The following NBEA variants were observed in gnomAD, a reference collection of about 807,000 sequenced individuals.
NBEA encodes neurobeachin.
NBEA carries 44 observed loss-of-function variants against 343.4 expected under a neutral mutation model. The observed-to-expected ratio is 0.13, with a 90% CI of 0.10 to 0.16. NBEA has a LOEUF of 0.16. Ranked by LOEUF, NBEA falls within the 10% of genes least tolerant of loss-of-function variation. The pLI is 1.00. For synonymous variants in NBEA, 1,175 were observed against 1,238.7 expected, an observed-to-expected ratio of 0.95 and a Z score of 1.08; for missense variants, 2,555 against 3,631.3, an observed-to-expected ratio of 0.70 and a Z score of 7.62.
intron 34 of NBEA, among the ~76,000 whole-genome samples, chr13:35,283,187 G>A (rs930401694): frequency 6.6e-6 from 1 of 152,012 alleles, no homozygotes; most frequent in Admixed American, 6.6e-5. Flanking sequence ...CTGGCATTAT[G>A]TAAAAAATTC....
intron 38 of NBEA, among the ~76,000 whole-genome samples, chr13:35,422,250 A>G (rs1417881001): frequency 2.0e-5 from 3 of 150,464 alleles, no homozygotes; most frequent in Non-Finnish European, 4.4e-5. Flanking sequence ...TGCACCCATT[A>G]ACTCGTCATT....
At chr13:34,983,810 T>A (rs2060447314) in intron 1 of NBEA, among the ~76,000 whole-genome samples, 1 of 152,232 alleles carries the variant, frequency 6.6e-6, no homozygotes, top group Non-Finnish European at 1.5e-5. Flanking sequence ...GTTGGCTGCA[T>A]AAATGTCTTC....
At chr13:34,990,528 G>A (rs558586933) in intron 1 of NBEA, among the ~76,000 whole-genome samples, 1 of 151,142 alleles carries the variant, frequency 6.6e-6, no homozygotes, top group African/African-American at 2.4e-5. Context: ...GATGCAGGGA[G>A]CAGTGTTCTG....
chr13:35,340,082 T>G (rs957789205), intron 36 of NBEA, among the ~76,000 whole-genome samples: 1 of 152,056 alleles, frequency 6.6e-6, no homozygotes, highest in African/African-American at 2.4e-5. Context: ...TCCTAAGAAA[T>G]TTAAAAATAG....
chr13:35,419,629 G>A (rs532399885), intron 38 of NBEA, among the ~76,000 whole-genome samples: 1 of 151,962 alleles, frequency 6.6e-6, no homozygotes, highest in Non-Finnish European at 1.5e-5. Context: ...ACCATTTCAG[G>A]AGTTTTGTGA....
chr13:35,395,786 C>G (rs1382573006), intron 38 of NBEA, among the ~76,000 whole-genome samples: 1 of 152,060 alleles, frequency 6.6e-6, no homozygotes, highest in African/African-American at 2.4e-5. Context: ...ATGATTCTGT[C>G]AATTTTGCAT....
Position 35,551,003 on chromosome 13 carries a change from A to G in NBEA, c.6777A>G (p.Val2259=). ...KVVYSLPRVG[V]GTSYGLPQAR... is the part of the protein sequence containing the mutation. ...TCTATAGCTTGCCTCGGGTTGGAGT[A>G]GGGACCAGCTATGGTCTGCCACAAG... Residue 2259 remains valine (V), a synonymous_variant, in exon 43 of 59, where the codon GTA becomes GTG. Transcript: ENST00000379939. 1 of 1,607,636 alleles carries G rather than the reference A, an allele frequency of 6.2e-7. No homozygotes were observed. The highest frequency in any genetic ancestry group is 1.7e-4 in the Middle Eastern group (1 of 6,054).
chr13:35,021,165 A>G (rs1272821039), intron 1 of NBEA, among the ~76,000 whole-genome samples: 1 of 151,984 alleles, frequency 6.6e-6, no homozygotes, highest in African/African-American at 2.4e-5. Context: ...TGGGCTGGCA[A>G]ACTATTGCCT....
intron 10 of NBEA, among the ~76,000 whole-genome samples, chr13:35,071,815 T>A (rs2063886077): frequency 1.3e-5 from 2 of 152,136 alleles, no homozygotes; most frequent in South Asian, 4.1e-4. Flanking sequence ...TTAGTATTTC[T>A]AATAATATTA....
rs531704095 is a variant in NBEA at position 35,386,292 on chromosome 13, G to A, written c.6179+33969G>A. Among the ~76,000 whole-genome samples the A allele has an allele frequency of 5.3e-5, 8 of 152,100 alleles. No individual in the cohort carries two copies. In the East Asian group the frequency reaches 1.5e-3, roughly 29 times the overall value. ...ACTTTAAACTCTCCAGTACATTATG[G>A]ATGACTTGAGCAAAATTCCTATTAA... On this transcript the variant is annotated intron_variant, in intron 38 of 58. Transcript: ENST00000379939.
intron 34 of NBEA, among the ~76,000 whole-genome samples, chr13:35,245,829 G>C (rs2031100270): frequency 6.6e-6 from 1 of 152,134 alleles, no homozygotes; most frequent in Non-Finnish European, 1.5e-5. Flanking sequence ...TGGATGTCTA[G>C]ATCTGTACCG....
chr13:35,456,449 G>A (rs552870841), intron 40 of NBEA, among the ~76,000 whole-genome samples: 1 of 151,936 alleles, frequency 6.6e-6, no homozygotes, highest in African/African-American at 2.4e-5. Flanking sequence ...TTTTTAGTTT[G>A]TAGTGATTCA....
chr13:35,028,309 T>C (rs2062083969), intron 1 of NBEA, among the ~76,000 whole-genome samples: 1 of 151,932 alleles, frequency 6.6e-6, no homozygotes, highest in Non-Finnish European at 1.5e-5. Context: ...AGTATGTTTC[T>C]ATATTTATTT....
intron 45 of NBEA, among the ~76,000 whole-genome samples, chr13:35,578,581 C>T (rs2080858935): frequency 6.6e-6 from 1 of 152,168 alleles, no homozygotes; most frequent in Admixed American, 6.5e-5. Context: ...ACCCAGGTAC[C>T]TGTTTCCTCC....
At chr13:35,114,532 C>T (rs937654082) in intron 13 of NBEA, among the ~76,000 whole-genome samples, 3 of 152,110 alleles carry the variant, frequency 2.0e-5, no homozygotes, top group African/African-American at 7.2e-5. Context: ...GGCACTGCCA[C>T]CCTCCTGACC....
intron 34 of NBEA, chr13:35,251,717 G>T (rs978033866): frequency 4.4e-5 from 14 of 317,832 alleles, no homozygotes; most frequent in Admixed American, 1.3e-4. Flanking sequence ...GGTGCCCGGG[G>T]ATGACTACCC....
intron 26 of NBEA, 110 bp downstream of exon 26, chr13:35,171,562 T>C (rs2152722613): frequency 7.9e-6 from 7 of 888,238 alleles, no homozygotes; most frequent in Non-Finnish European, 1.1e-5. Context: ...TTATATAATA[T>C]GGAGATTATC....
At chr13:35,392,119 A>C (rs2042531252) in intron 38 of NBEA, among the ~76,000 whole-genome samples, 1 of 152,136 alleles carries the variant, frequency 6.6e-6, no homozygotes, top group Non-Finnish European at 1.5e-5. Flanking sequence ...CTTTTCTACA[A>C]ATATCATATT....
chr13:35,418,880 C>T (rs781218318), intron 38 of NBEA, among the ~76,000 whole-genome samples: 17 of 151,710 alleles, frequency 1.1e-4, no homozygotes, highest in Admixed American at 5.3e-4. Flanking sequence ...TTATATGAAA[C>T]GCTTGGGGCC....
Sources: allele counts gnomAD v4.1 joint callset (sites outside exome capture counted in the v4.1 genomes callset), GRCh38; gene constraint gnomAD v4.1.1; transcripts MANE v1.5; gene names NCBI Gene and HGNC (gene_info 2026-07-23, HGNC 2026-07-21).